GPHN: variants seen among roughly 807,000 people sequenced by gnomAD.
The protein encoded by GPHN is gephyrin.
A neutral mutation model predicts 95.5 loss-of-function variants in GPHN; 17 were observed. The ratio of observed to expected loss-of-function variants is 0.18; its 90% CI spans 0.12 to 0.27. The LOEUF (loss-of-function observed/expected upper bound fraction) is 0.27. Ranked by LOEUF, GPHN falls within the 10% of genes least tolerant of loss-of-function variation. The pLI is 1.00. For synonymous variants in GPHN, 320 were observed against 322.5 expected (o/e 0.99, Z 0.08); for missense variants, 660 against 978.1 (o/e 0.67, Z 4.34).
At chr14:67,372,018 A>T in the GPHN span, among the ~76,000 whole-genome samples, 1 of 152,114 alleles carries the variant, frequency 6.6e-6, no homozygotes, top group Non-Finnish European at 1.5e-5. Flanking sequence ...TAATCTCAGC[A>T]CTTTGGGAGG....
At chr14:67,335,725 C>CTT in the GPHN span, 4 of 150,792 alleles carry the variant, frequency 2.7e-5, no homozygotes. Context: ...CCTTTGTACT[C>CTT]TTTTCCTGTA....
chr14:66,700,213 A>G (rs919082300), intron 2 of GPHN, among the ~76,000 whole-genome samples: 14 of 152,174 alleles, frequency 9.2e-5, no homozygotes, highest in African/African-American at 2.9e-4. Context: ...ACAAAACCCT[A>G]TTTGTTTTTA....
At chr14:66,669,287 C>T (rs945508489) in intron 1 of GPHN, among the ~76,000 whole-genome samples, 1 of 151,398 alleles carries the variant, frequency 6.6e-6, no homozygotes, top group African/African-American at 2.4e-5. Flanking sequence ...TCGCTTGAAC[C>T]CAGGAGGCGG....
chr14:66,676,483 A>G (rs2066593524), intron 1 of GPHN, among the ~76,000 whole-genome samples: 1 of 151,980 alleles, frequency 6.6e-6, no homozygotes, highest in South Asian at 2.1e-4. Flanking sequence ...TAATCTTTCT[A>G]TACTTAATTT....
intron 10 of GPHN, among the ~76,000 whole-genome samples, chr14:67,029,931 C>A (rs1027541692): frequency 6.6e-6 from 1 of 151,398 alleles, no homozygotes; most frequent in Non-Finnish European, 1.5e-5. Context: ...GCACTTCTGT[C>A]TCCTAGTGTT....
At chr14:67,642,105 G>T in the GPHN span, 2 of 1,325,916 alleles carry the variant, frequency 1.5e-6, no homozygotes, top group South Asian at 2.6e-5. Context: ...ACTTTGTCAC[G>T]TATTATCATT....
chr14:67,282,190 T>A, the GPHN span, among the ~76,000 whole-genome samples: 1 of 152,284 alleles, frequency 6.6e-6, no homozygotes, highest in South Asian at 2.1e-4. Flanking sequence ...GTGTAATAGC[T>A]TTTTGCCAAA....
chr14:66,712,897 T>C (rs1470158846), intron 2 of GPHN, among the ~76,000 whole-genome samples: 1 of 152,172 alleles, frequency 6.6e-6, no homozygotes, highest in Non-Finnish European at 1.5e-5. Flanking sequence ...TGATCATTGG[T>C]GATGTTGAGC....
intron 2 of GPHN, among the ~76,000 whole-genome samples, chr14:66,730,983 A>G (rs1345997169): frequency 1.3e-5 from 2 of 152,136 alleles, no homozygotes; most frequent in Non-Finnish European, 2.9e-5. Flanking sequence ...TGTTCTCGTG[A>G]TAGTGAGTTC....
intron 5 of GPHN, among the ~76,000 whole-genome samples, chr14:66,901,248 G>A (rs149568782): frequency 6.6e-6 from 1 of 151,978 alleles, no homozygotes; most frequent in African/African-American, 2.4e-5. Context: ...TTTCTGTCAA[G>A]CTATCTGAGC....
At chr14:67,679,856 T>TAA in the GPHN span, among the ~76,000 whole-genome samples, 46 of 152,386 alleles carry the variant, frequency 3.0e-4, 1 homozygote, top group African/African-American at 1.1e-3. Flanking sequence ...TTACAATCTT[T>TAA]AGTCATGTGA....
the GPHN span, among the ~76,000 whole-genome samples, chr14:67,354,505 G>T: frequency 6.6e-6 from 1 of 152,072 alleles, no homozygotes; most frequent in African/African-American, 2.4e-5. Flanking sequence ...ACACGTGCAA[G>T]GTTTAAAAGA....
rs886110195 is a variant in GPHN at position 66,680,998 on chromosome 14, T to C, written c.65-109T>C. ...ATCAATAGTAATGTTTGGGGAAAAA[T>C]GAAAAAAAAAAAGCTATTTTTCATT... On this transcript the variant is annotated intron_variant, in intron 1 of 22. Transcript: ENST00000478722. 1.6e-4 allele frequency: 101 copies of C among 650,202 alleles called. No homozygotes were observed. In the African/African-American group the frequency reaches 2.3e-3, roughly 15 times the overall value. The allele number at this position is 650,202 out of a possible 1,614,324, so 40.3% of individuals were successfully genotyped here.
At position 66,707,541 on chromosome 14, in the gene GPHN, A is replaced by G. The variant is rs190032416; in HGVS notation, c.143+26356A>G. 9.8e-4 allele frequency among the ~76,000 whole-genome samples: 150 copies of G among 152,316 alleles called. 1 individual carries two copies. In the Middle Eastern group the frequency reaches 0.017, roughly 17 times the overall value. ...GACATGGGTGAAGCTGGAAGTCATC[A>G]TCCTCAGCAAACTTAACGTGGGAAC... On this transcript the variant is annotated intron_variant, in intron 2 of 22. Transcript: ENST00000478722.
chr14:67,156,828 G>A (rs2153714861), intron 18 of GPHN, among the ~76,000 whole-genome samples: 1 of 152,118 alleles, frequency 6.6e-6, no homozygotes. Context: ...AAATTAGCTG[G>A]GTGTGGTGGC....
At chr14:67,648,423 TA>T in the GPHN span, 1 of 350,096 alleles carries the variant, frequency 2.9e-6, no homozygotes, top group Non-Finnish European at 5.1e-6. Flanking sequence ...ATTGTATATT[TA>T]AACAATTAAA....
intron 11 of GPHN, among the ~76,000 whole-genome samples, chr14:67,064,757 T>C (rs770700290): frequency 6.6e-6 from 1 of 152,218 alleles, no homozygotes; most frequent in Non-Finnish European, 1.5e-5. Context: ...GTAATTTGTA[T>C]TTCTGTGGGA....
chr14:67,620,247 C>T, the GPHN span, among the ~76,000 whole-genome samples: 5 of 146,310 alleles, frequency 3.4e-5, no homozygotes, highest in African/African-American at 5.0e-5. Flanking sequence ...ACCGTGGGAG[C>T]ATGTGGGATA....
At chr14:67,008,287 A>G (rs1172024047) in intron 9 of GPHN, among the ~76,000 whole-genome samples, 2 of 151,702 alleles carry the variant, frequency 1.3e-5, no homozygotes, top group South Asian at 2.1e-4. Context: ...CCCCATCTCT[A>G]CTAAAAATAC....
Sources: allele counts gnomAD v4.1 joint callset (sites outside exome capture counted in the v4.1 genomes callset), GRCh38; gene constraint gnomAD v4.1.1; transcripts MANE v1.5; gene names NCBI Gene and HGNC (gene_info 2026-07-23, HGNC 2026-07-21).